CPEB2: variants seen among roughly 807,000 people sequenced by gnomAD.
The protein encoded by CPEB2 is cytoplasmic polyadenylation element-binding protein 2.
A neutral mutation model predicts 93.6 loss-of-function variants in CPEB2; 56 were observed. The observed-to-expected ratio is 0.60, with a 90% confidence interval of 0.48 to 0.75. The LOEUF (loss-of-function observed/expected upper bound fraction) is 0.75. Ranked by LOEUF, CPEB2 falls within the 30% of genes least tolerant of loss-of-function variation. CPEB2 has a pLI of 0.00. For synonymous variants in CPEB2, 764 were observed against 586.3 expected (o/e 1.30, Z -4.38); for missense variants, 1,579 against 1,395.1 (o/e 1.13, Z -2.10).
chr4:15,029,366 T>C (rs192272073), intron 4 of CPEB2, among the ~76,000 whole-genome samples: 1 of 152,206 alleles, frequency 6.6e-6, no homozygotes, highest in Admixed American at 6.5e-5. Flanking sequence ...AAAATCGTAA[T>C]AGACGAATAA....
At chr4:15,046,988 C>A (rs1350562380) in intron 6 of CPEB2, among the ~76,000 whole-genome samples, 11 of 152,096 alleles carry the variant, frequency 7.2e-5, no homozygotes, top group Admixed American at 7.2e-4. Context: ...ATACAAGGAT[C>A]AAATTTATTT....
At chr4:15,031,228 CTTA>C (rs576588304) in intron 4 of CPEB2, among the ~76,000 whole-genome samples, 115 of 151,944 alleles carry the variant, frequency 7.6e-4, no homozygotes, top group Middle Eastern at 3.4e-3. Context: ...ATTTAATTAA[CTTA>C]TTATGCTGAA....
chr4:15,048,659 T>C (rs1727939128), intron 6 of CPEB2, among the ~76,000 whole-genome samples: 1 of 152,074 alleles, frequency 6.6e-6, no homozygotes, highest in Admixed American at 6.5e-5. Context: ...AGATGATTTG[T>C]TTTAAGCATG....
chr4:15,014,141 C>A (rs562712761), intron 3 of CPEB2, among the ~76,000 whole-genome samples: 20 of 152,066 alleles, frequency 1.3e-4, no homozygotes, highest in African/African-American at 4.6e-4. Flanking sequence ...GGTACTTTCC[C>A]CTACACCTCC....
Position 15,068,244 on chromosome 4 carries a change from T to TA in CPEB2, c.*1865dup, listed in dbSNP as rs2109124892. ...GGTGTGCTTTTTTGTACTGTAAAAA[T>TA]ATGTGGTTCATGTCTAACTCTGCTG... is the stretch of plus-strand genomic sequence containing the variant. On this transcript the variant is annotated 3_prime_UTR_variant, in exon 12 of 12. Transcript: ENST00000538197. The TA allele has an allele frequency of 6.6e-6, 1 of 152,480 alleles. No individual in the cohort carries two copies. Among genetic ancestry groups the TA allele is most frequent in the South Asian group, 2.1e-4 (1 of 4,824 alleles). 9.4% of individuals were successfully genotyped at this position (152,480 alleles called of 1,614,324 possible).
intron 6 of CPEB2, among the ~76,000 whole-genome samples, chr4:15,042,277 AAGT>A (rs1727258719): frequency 6.6e-6 from 1 of 152,210 alleles, no homozygotes; most frequent in African/African-American, 2.4e-5. Context: ...AGGTATTAGG[AAGT>A]AATGTTATTA....
intron 5 of CPEB2, among the ~76,000 whole-genome samples, chr4:15,037,021 G>GC (rs1167812401): frequency 1.3e-5 from 2 of 152,074 alleles, no homozygotes; most frequent in Non-Finnish European, 2.9e-5. Flanking sequence ...ATCATTTAGG[G>GC]CCCGGGCGCA....
intron 6 of CPEB2, among the ~76,000 whole-genome samples, chr4:15,051,768 C>T (rs776288800): frequency 6.6e-6 from 1 of 152,178 alleles, no homozygotes; most frequent in Non-Finnish European, 1.5e-5. Context: ...AGGGATTACC[C>T]ACAGAGTGGG....
chr4:15,045,878 AAG>A (rs1229885994), intron 6 of CPEB2, among the ~76,000 whole-genome samples: 1 of 152,204 alleles, frequency 6.6e-6, no homozygotes, highest in Non-Finnish European at 1.5e-5. Flanking sequence ...TCTCAAGTAA[AAG>A]AGAAATGATT....
chr4:15,023,437 A>G (rs1327099501), intron 4 of CPEB2, among the ~76,000 whole-genome samples: 1 of 152,102 alleles, frequency 6.6e-6, no homozygotes, highest in Non-Finnish European at 1.5e-5. Flanking sequence ...AAATGTGGAA[A>G]CACTAGGAGA....
At chr4:15,010,453 C>T (rs568062076) in intron 3 of CPEB2, 1 of 152,278 alleles carries the variant, frequency 6.6e-6, no homozygotes, top group Non-Finnish European at 1.5e-5. Context: ...GACTTAAAAG[C>T]AGTGTCATTG....
At chr4:15,066,021 T>C in intron 11 of CPEB2, 132 bp from the exon 12 acceptor site, 1 of 728,834 alleles carries the variant, frequency 1.4e-6, no homozygotes, top group South Asian at 1.9e-5. Flanking sequence ...TAAAGCTCCT[T>C]CCTTGAGAAA....
chr4:15,002,694 G>A lies in CPEB2; in HGVS notation c.21G>A (p.Gly7=), dbSNP rs1722105269. Residue 7 remains glycine, a synonymous_variant, in exon 1 of 12, where the codon GGG becomes GGA. Transcript: ENST00000538197. Reference sequence around the variant, plus strand: ...GATAAATGAGGGATTTCGGGTTTGGGGTGCTGCAGACCGCCCCGCTCCGAA... The same window carrying A: ...GATAAATGAGGGATTTCGGGTTTGGAGTGCTGCAGACCGCCCCGCTCCGAA... MRDFGF[G]VLQTAPLRSS... 1 of 1,513,534 alleles carries A rather than the reference G, an allele frequency of 6.6e-7. No individual in the cohort carries two copies. The highest frequency in any genetic ancestry group is 8.8e-7 in the Non-Finnish European group (1 of 1,134,038). The allele number at this position is 1,513,534 out of a possible 1,614,324, so 93.8% of individuals were successfully genotyped here. A position where few individuals can be genotyped will look rare whatever the true frequency, so the allele number is the denominator to read the frequency against.
chr4:15,018,120 T>TC (rs1468414430), intron 4 of CPEB2, among the ~76,000 whole-genome samples: 1 of 151,902 alleles, frequency 6.6e-6, no homozygotes, highest in Non-Finnish European at 1.5e-5. Context: ...ACTATTTTAT[T>TC]CTGGCTCAAA....
At chr4:15,024,669 C>T (rs76405156) in intron 4 of CPEB2, among the ~76,000 whole-genome samples, 2,716 of 151,550 alleles carry the variant, frequency 0.018, 78 homozygotes, top group African/African-American at 0.062. Context: ...TTAAGCTGTA[C>T]CTTCATTGGA....
At chr4:15,044,138 G>A (rs1288480398) in intron 6 of CPEB2, among the ~76,000 whole-genome samples, 1 of 152,142 alleles carries the variant, frequency 6.6e-6, no homozygotes, top group Non-Finnish European at 1.5e-5. Context: ...TGAAAAAAAA[G>A]CTGGGGTAAC....
At chr4:15,056,810 C>T (rs1034151090) in intron 8 of CPEB2, among the ~76,000 whole-genome samples, 3 of 151,964 alleles carry the variant, frequency 2.0e-5, no homozygotes, top group Non-Finnish European at 2.9e-5. Flanking sequence ...TTAACAAATT[C>T]GAAAGAAGCT....
chr4:15,015,797 C>T (rs1392394775), intron 3 of CPEB2, among the ~76,000 whole-genome samples: 1 of 151,904 alleles, frequency 6.6e-6, no homozygotes, highest in African/African-American at 2.4e-5. Flanking sequence ...CCTTCATATG[C>T]TGTTTTTTTC....
At chr4:15,047,484 A>G (rs1204120167) in intron 6 of CPEB2, among the ~76,000 whole-genome samples, 2 of 152,014 alleles carry the variant, frequency 1.3e-5, no homozygotes, top group African/African-American at 2.4e-5. Context: ...TCTTGTGTTA[A>G]GTTTATTTGT....
Sources: allele counts gnomAD v4.1 joint callset (sites outside exome capture counted in the v4.1 genomes callset), GRCh38; gene constraint gnomAD v4.1.1; transcripts MANE v1.5; gene names NCBI Gene and HGNC (gene_info 2026-07-23, HGNC 2026-07-21).